The following IL17RD variants were observed in gnomAD, a reference collection of about 807,000 sequenced individuals.
IL17RD encodes the protein interleukin 17 receptor D.
In IL17RD, 52 loss-of-function variants were observed where a neutral mutation model predicts 80.5. The ratio of observed to expected loss-of-function variants is 0.65; its 90% CI spans 0.52 to 0.81. IL17RD has a LOEUF of 0.81. Ranked by LOEUF, IL17RD falls within the 40% of genes least tolerant of loss-of-function variation. The pLI is 0.00. For missense variants in IL17RD, 1,024 were observed against 955.1 expected, an observed-to-expected ratio of 1.07 and a Z score of -0.95; for synonymous variants, 416 against 391.8, an observed-to-expected ratio of 1.06 and a Z score of -0.73.
intron 10 of IL17RD, among the ~76,000 whole-genome samples, chr3:57,102,202 C>T (rs997983305): frequency 7.2e-5 from 11 of 152,190 alleles, no homozygotes; most frequent in African/African-American, 1.2e-4. Flanking sequence ...CCTGGGAAGT[C>T]GAGCCTGCAG....
upstream of IL17RD, among the ~76,000 whole-genome samples, chr3:57,168,644 T>C (rs2060357610): frequency 7.5e-6 from 1 of 132,526 alleles, no homozygotes; most frequent in Non-Finnish European, 1.6e-5. Context: ...ACATTCTCTG[T>C]ATTCTGGTCT....
chr3:57,106,727 G>T (rs151082688), intron 5 of IL17RD, among the ~76,000 whole-genome samples: 11 of 152,140 alleles, frequency 7.2e-5, no homozygotes, highest in Non-Finnish European at 1.2e-4. Context: ...GAATCTAAAC[G>T]CAATAAAAAC....
chr3:57,114,035 T>A (rs894808225), intron 3 of IL17RD, among the ~76,000 whole-genome samples: 1 of 150,550 alleles, frequency 6.6e-6, no homozygotes, highest in African/African-American at 2.4e-5. Context: ...AATACAAAAA[T>A]TAGCTGGGTG....
At chr3:57,126,646 T>C (rs1269937695) in intron 1 of IL17RD, among the ~76,000 whole-genome samples, 1 of 152,190 alleles carries the variant, frequency 6.6e-6, no homozygotes, top group African/African-American at 2.4e-5. Context: ...ACCTCCAGCA[T>C]AGCTTAACTG....
At chr3:57,131,512 G>A (rs566771050) in intron 1 of IL17RD, among the ~76,000 whole-genome samples, 2 of 152,338 alleles carry the variant, frequency 1.3e-5, no homozygotes, top group East Asian at 3.9e-4. Context: ...TTGGCCTCAA[G>A]ATGCAAGGAC....
chr3:57,109,908 T>C (rs536999968), intron 4 of IL17RD, among the ~76,000 whole-genome samples: 2 of 152,302 alleles, frequency 1.3e-5, no homozygotes, highest in South Asian at 4.1e-4. Context: ...AACCTCAGAG[T>C]TGGGGCGCAG....
chr3:57,137,111 C>G (rs1450347192), intron 1 of IL17RD, among the ~76,000 whole-genome samples: 2 of 152,170 alleles, frequency 1.3e-5, no homozygotes, highest in Admixed American at 6.5e-5. Flanking sequence ...CCAACTGTAC[C>G]ACCCAGTGCC....
chr3:57,109,433 C>A, intron 5 of IL17RD, 104 bp downstream of exon 5: 1 of 1,313,376 alleles, frequency 7.6e-7, no homozygotes, highest in Non-Finnish European at 1.0e-6. Flanking sequence ...GTGTGAGCCA[C>A]CGCGCCCGGC....
At chr3:57,134,713 C>T in intron 1 of IL17RD, 1 of 674,492 alleles carries the variant, frequency 1.5e-6, no homozygotes, top group South Asian at 1.4e-5. Flanking sequence ...GAGGAAGAGA[C>T]CGAGAAGTGA....
intron 5 of IL17RD, among the ~76,000 whole-genome samples, chr3:57,107,569 T>C (rs1032466264): frequency 6.6e-6 from 1 of 152,110 alleles, no homozygotes; most frequent in African/African-American, 2.4e-5. Flanking sequence ...TCCAAGGCCT[T>C]GAATGACAGA....
chr3:57,154,303 T>C (rs553650880), intron 1 of IL17RD, among the ~76,000 whole-genome samples: 3,070 of 137,630 alleles, frequency 0.022, 116 homozygotes, highest in African/African-American at 0.086. Context: ...CACACACACA[T>C]ACATACACGT....
At chr3:57,114,146 T>C (rs1266753641) in intron 3 of IL17RD, among the ~76,000 whole-genome samples, 3 of 150,944 alleles carry the variant, frequency 2.0e-5, no homozygotes, top group Non-Finnish European at 1.5e-5. Flanking sequence ...ATCGCACCAT[T>C]GCACTCCAGC....
intron 1 of IL17RD, among the ~76,000 whole-genome samples, chr3:57,136,938 T>C (rs1041109593): frequency 1.3e-5 from 2 of 152,150 alleles, no homozygotes; most frequent in African/African-American, 4.8e-5. Context: ...ATGGGCTAAG[T>C]TATGCCACTG....
intron 1 of IL17RD, among the ~76,000 whole-genome samples, chr3:57,158,716 C>T (rs557339275): frequency 5.3e-5 from 8 of 152,236 alleles, no homozygotes; most frequent in Admixed American, 6.5e-5. Context: ...ACTAGTTATT[C>T]GTTTTTTAGG....
In IL17RD at chr3:57,127,261, T is replaced by A. The variant is rs1373780060; in HGVS notation, c.127-6948A>T. On this transcript the variant is annotated intron_variant, in intron 1 of 12. Transcript: ENST00000296318. ...ATATAAATATATATATAAATATATA[T>A]AAATATATATAAAAATATATATAAA... Among the ~76,000 whole-genome samples the A allele has an allele frequency of 1.1e-4, 10 of 87,534 alleles. 1 individual carries two copies. Among genetic ancestry groups the A allele is most frequent in the East Asian group, 4.9e-4 (1 of 2,052 alleles). 57.4% of individuals were successfully genotyped at this position (87,534 alleles called of 152,430 possible).
chr3:57,126,508 G>C (rs538435535), intron 1 of IL17RD, among the ~76,000 whole-genome samples: 1 of 152,354 alleles, frequency 6.6e-6, no homozygotes, highest in East Asian at 1.9e-4. Context: ...GGCCGGCAGC[G>C]GAGCAGGATC....
intron 1 of IL17RD, among the ~76,000 whole-genome samples, chr3:57,123,747 T>C (rs1487849792): frequency 6.6e-6 from 1 of 152,182 alleles, no homozygotes; most frequent in East Asian, 1.9e-4. Flanking sequence ...CTTACATGCA[T>C]TTTAAAGACC....
chr3:57,107,688 C>T (rs1305354549), intron 5 of IL17RD, among the ~76,000 whole-genome samples: 1 of 152,174 alleles, frequency 6.6e-6, no homozygotes, highest in African/African-American at 2.4e-5. Flanking sequence ...CTGTACAGAA[C>T]AGAAGGTGAA....
chr3:57,114,950 C>A, intron 2 of IL17RD, 133 bp from the exon 3 acceptor site: 1 of 639,546 alleles, frequency 1.6e-6, no homozygotes, highest in Non-Finnish European at 2.5e-6. Flanking sequence ...CCCTCAAAAG[C>A]CCAAAATAAG....
Sources: gnomAD v4.1 joint callset for allele counts (sites outside exome capture counted in the v4.1 genomes callset) on GRCh38, gnomAD v4.1.1 for gene constraint, MANE v1.5 for transcripts, NCBI Gene and HGNC (gene_info 2026-07-23, HGNC 2026-07-21) for gene names.